The following IREB2 variants were observed in gnomAD, a reference collection of about 807,000 sequenced individuals.
IREB2 encodes the protein iron-responsive element-binding protein 2.
IREB2 carries 39 observed loss-of-function variants against 118.8 expected under a neutral mutation model. The observed-to-expected ratio is 0.33, with a 90% CI of 0.25 to 0.43. The LOEUF is 0.43. Ranked by LOEUF, IREB2 falls within the 20% of genes least tolerant of loss-of-function variation. The pLI is 1.00. For missense variants in IREB2, 900 were observed against 1,147.3 expected, an observed-to-expected ratio of 0.78 and a Z score of 3.11; for synonymous variants, 372 against 392.2, an observed-to-expected ratio of 0.95 and a Z score of 0.61.
intron 11 of IREB2, among the ~76,000 whole-genome samples, chr15:78,484,558 C>T (rs922433652): frequency 1.3e-5 from 2 of 152,202 alleles, no homozygotes; most frequent in African/African-American, 2.4e-5. Context: ...TTGTGAACAT[C>T]ACCAGACTCC....
At chr15:78,477,586 A>C (rs372991486) in intron 9 of IREB2, among the ~76,000 whole-genome samples, 4 of 152,336 alleles carry the variant, frequency 2.6e-5, no homozygotes, top group East Asian at 1.9e-4. Flanking sequence ...TTTCTTGTTC[A>C]TCACTGGAAT....
In IREB2 at chr15:78,466,393, G is replaced by T; in HGVS notation, c.533G>T (p.Cys178Phe). The change falls in exon 5 of 22, where the codon TGT becomes TTT. Residue 178 changes from cysteine to phenylalanine, a missense_variant. Physicochemically the swap from Cys to Phe is radical, Grantham distance 205. Coordinates refer to ENST00000258886, the MANE Select transcript of IREB2 (RefSeq NM_004136.4). Reference protein sequence around the residue: ...CRGQTTCRGSCDSGELGRNSG... With the variant: ...CRGQTTCRGSFDSGELGRNSG... ...GGCCAGACTACCTGCCGAGGATCTTGTGATTCTGGAGAACTAGGCCGAAAC... is the reference window on the plus strand; with the variant it reads ...GGCCAGACTACCTGCCGAGGATCTTTTGATTCTGGAGAACTAGGCCGAAAC... 1 of 1,614,166 alleles carries T rather than the reference G, an allele frequency of 6.2e-7. No homozygotes were observed. Among genetic ancestry groups the T allele is most frequent in the Non-Finnish European group, 8.5e-7 (1 of 1,180,000 alleles).
At chr15:78,459,293 A>G (rs1222518378) in intron 2 of IREB2, among the ~76,000 whole-genome samples, 1 of 152,116 alleles carries the variant, frequency 6.6e-6, no homozygotes, top group Non-Finnish European at 1.5e-5. Flanking sequence ...TGTTATACCT[A>G]ACAAAATTAA....
In IREB2 at chr15:78,438,264, C is replaced by T. The variant is rs182504945; in HGVS notation, c.-74C>T. On this transcript the variant is annotated 5_prime_UTR_variant, in exon 1 of 22. Transcript: ENST00000258886. ...CTTGCCAGTCCGCCTGTCTTCCTCC[C>T]CGTCTTCCCTGCCCGGCCTCCCCCT... The T allele has an allele frequency of 1.1e-4, 127 of 1,188,938 alleles. No individual in the cohort carries two copies. The highest frequency in any genetic ancestry group is 2.3e-4 in the South Asian group (18 of 76,888). 73.6% of individuals were successfully genotyped at this position (1,188,938 alleles called of 1,614,324 possible).
chr15:78,461,376 T>G (rs1595993121), intron 2 of IREB2, among the ~76,000 whole-genome samples: 2 of 152,140 alleles, frequency 1.3e-5, no homozygotes, highest in Admixed American at 1.3e-4. Flanking sequence ...AGCCTTACCC[T>G]TCACCCCTTT....
At position 78,465,133 on chromosome 15, in the gene IREB2, A is replaced by C. The variant is rs2051259443; in HGVS notation, c.273-118A>C. The C allele has an allele frequency of 3.9e-6, 3 of 763,098 alleles. No homozygotes were observed. In the Admixed American group the frequency reaches 9.8e-5, roughly 25 times the overall value. 47.3% of individuals were successfully genotyped at this position (763,098 alleles called of 1,614,324 possible). On this transcript the variant is annotated intron_variant, in intron 3 of 21. Transcript: ENST00000258886. ...CTAACTTATAAAGTACATTATGAAAAATGAATGTAAACTAGACAGGGATAC... is the reference window on the plus strand; with the variant it reads ...CTAACTTATAAAGTACATTATGAAACATGAATGTAAACTAGACAGGGATAC...
intron 2 of IREB2, among the ~76,000 whole-genome samples, chr15:78,459,549 C>T (rs139115964): frequency 0.013 from 1,940 of 152,174 alleles, 42 homozygotes; most frequent in African/African-American, 0.044. Flanking sequence ...GGGGTTTCGC[C>T]ATGTTGGTCA....
At chr15:78,490,273 T>G (rs1247318283) in intron 16 of IREB2, 149 bp from the exon 17 acceptor site, 1 of 529,640 alleles carries the variant, frequency 1.9e-6, no homozygotes, top group African/African-American at 2.0e-5. Context: ...GAATACACTC[T>G]TAATTTTCTT....
chr15:78,459,931 C>G (rs900593964), intron 2 of IREB2, among the ~76,000 whole-genome samples: 2 of 152,086 alleles, frequency 1.3e-5, no homozygotes, highest in Non-Finnish European at 2.9e-5. Flanking sequence ...CCTACTAACC[C>G]CCATGTTTTC....
At chr15:78,488,129 T>C in intron 14 of IREB2, 51 bp from the exon 15 acceptor site, 1 of 1,532,392 alleles carries the variant, frequency 6.5e-7, no homozygotes, top group Non-Finnish European at 8.8e-7. Flanking sequence ...TCCAGATTTG[T>C]ACCATCTCTA....
intron 13 of IREB2, 80 bp downstream of exon 13, chr15:78,485,920 C>A: frequency 1.7e-6 from 2 of 1,184,018 alleles, no homozygotes; most frequent in Non-Finnish European, 2.4e-6. Flanking sequence ...CTTTCATATA[C>A]AAAGAGAAGA....
chr15:78,494,440 T>C (rs1293470992), intron 20 of IREB2, among the ~76,000 whole-genome samples, 176 bp downstream of exon 20: 1 of 152,234 alleles, frequency 6.6e-6, no homozygotes, highest in African/African-American at 2.4e-5. Context: ...TTTGTACTCA[T>C]CTAGTTAGTA....
chr15:78,469,196 A>T (rs1247131965), intron 5 of IREB2, among the ~76,000 whole-genome samples: 2 of 152,170 alleles, frequency 1.3e-5, no homozygotes, highest in Non-Finnish European at 2.9e-5. Context: ...GAGTAGAAAG[A>T]TGAGAGCATA....
In IREB2 at chr15:78,498,337, T is replaced by G; in HGVS notation, c.*194T>G. On this transcript the variant is annotated 3_prime_UTR_variant, in exon 22 of 22. Coordinates refer to ENST00000258886, the MANE Select transcript of IREB2 (RefSeq NM_004136.4). ...ATTTTAAATAATATACGAATGGTGCTATTAATATTGCTAAAATCAACGTGT... is the reference window on the plus strand; with the variant it reads ...ATTTTAAATAATATACGAATGGTGCGATTAATATTGCTAAAATCAACGTGT... 2.7e-6 allele frequency: 1 copy of G among 371,854 alleles called. No homozygotes were observed. Among genetic ancestry groups the G allele is most frequent in the East Asian group, 4.4e-5 (1 of 22,640 alleles). 23.0% of individuals were successfully genotyped at this position (371,854 alleles called of 1,614,324 possible). A position where few individuals can be genotyped will look rare whatever the true frequency, so the allele number is the denominator to read the frequency against.
At chr15:78,497,092 T>C (rs761742250) in intron 20 of IREB2, 34 bp from the exon 21 acceptor site, 1 of 1,548,560 alleles carries the variant, frequency 6.5e-7, no homozygotes, top group Non-Finnish European at 8.9e-7. Context: ...CTTTCAGAAG[T>C]GATTAGAGGG....
intron 18 of IREB2, among the ~76,000 whole-genome samples, chr15:78,492,445 A>G (rs1420769657): frequency 6.6e-6 from 1 of 152,178 alleles, no homozygotes; most frequent in African/African-American, 2.4e-5. Context: ...TAAAGGTCTC[A>G]GGGTCAGGAC....
In IREB2 at chr15:78,490,721, G is replaced by A; in HGVS notation, c.2284G>A (p.Ala762Thr). ...TDHISPAGSI[A>T]RNSAAAKYLT... ...TCATATATCACCTGCAGGAAGTATC[G>A]CTAGGAATAGTGCTGCCGCTAAGTA... The change falls in exon 18 of 22, where the codon GCT becomes ACT. Residue 762 changes from alanine to threonine, a missense_variant. Physicochemically the swap from Ala to Thr is moderately conservative, Grantham distance 58. Coordinates refer to ENST00000258886, the MANE Select transcript of IREB2 (RefSeq NM_004136.4). 3 of 1,614,044 alleles carry A rather than the reference G, an allele frequency of 1.9e-6. No homozygotes were observed. The highest frequency in any genetic ancestry group is 2.5e-6 in the Non-Finnish European group (3 of 1,179,952).
chr15:78,480,115 C>G (rs2051541161), intron 10 of IREB2: 1 of 152,122 alleles, frequency 6.6e-6, no homozygotes, highest in Non-Finnish European at 1.5e-5. Context: ...GTATCCCCAG[C>G]TCCTAGAACA....
intron 2 of IREB2, among the ~76,000 whole-genome samples, chr15:78,445,821 G>T (rs930869987): frequency 1.3e-5 from 2 of 152,090 alleles, no homozygotes; most frequent in Non-Finnish European, 2.9e-5. Flanking sequence ...GTCTTGCTCT[G>T]TTGCCCAGGC....
Sources: gnomAD v4.1 joint callset for allele counts (sites outside exome capture counted in the v4.1 genomes callset) on GRCh38, gnomAD v4.1.1 for gene constraint, MANE v1.5 for transcripts, NCBI Gene and HGNC (gene_info 2026-07-23, HGNC 2026-07-21) for gene names.